Variants in MCC observed in about 807,000 individuals in gnomAD.
MCC encodes MCC regulator of Wnt signaling pathway.
A neutral mutation model predicts 116.2 loss-of-function variants in MCC; 90 were observed. That is an observed-to-expected ratio of 0.77 (90% CI 0.65 to 0.92). MCC has a LOEUF of 0.92. Among genes scored for constraint, MCC ranks in the 40% least tolerant of loss-of-function variants. The probability of loss-of-function intolerance (pLI) is 0.00; values close to 1 mark genes in which losing one functional copy is unlikely to be tolerated. For missense variants in MCC, 1,516 were observed against 1,312.2 expected, an observed-to-expected ratio of 1.16 and a Z score of -2.40; for synonymous variants, 578 against 510.5, an observed-to-expected ratio of 1.13 and a Z score of -1.78.
intron 1 of MCC, among the ~76,000 whole-genome samples, chr5:113,440,468 T>A (rs1771002301): frequency 6.6e-6 from 1 of 152,172 alleles, no homozygotes; most frequent in Non-Finnish European, 1.5e-5. Flanking sequence ...TCCAACCAAG[T>A]GTTTCCATGG....
At chr5:113,348,054 C>G (rs1488658141) in intron 2 of MCC, among the ~76,000 whole-genome samples, 1 of 151,962 alleles carries the variant, frequency 6.6e-6, no homozygotes, top group Non-Finnish European at 1.5e-5. Flanking sequence ...AACAATGAAG[C>G]ACCCAGATAT....
intron 3 of MCC, among the ~76,000 whole-genome samples, chr5:113,197,233 A>T (rs1762457023): frequency 6.6e-6 from 1 of 151,656 alleles, no homozygotes; most frequent in African/African-American, 2.4e-5. Context: ...AAAAGGGGGA[A>T]TTTTTTTTTC....
At chr5:113,412,031 C>T (rs1307801516) in intron 1 of MCC, among the ~76,000 whole-genome samples, 1 of 152,182 alleles carries the variant, frequency 6.6e-6, no homozygotes, top group Non-Finnish European at 1.5e-5. Flanking sequence ...AATACAAAAT[C>T]CTTTCCCCAT....
rs371646235 is a variant in MCC at position 113,297,097 on chromosome 5, A to C, written c.627+43422T>G. The stretch of plus-strand genomic sequence containing the variant: ...TACTTCAATACTTATACTTCACATA[A>C]GATTCAACTCCACCACAATCTGGCA... On this transcript the variant is annotated intron_variant, in intron 3 of 18. Coordinates refer to ENST00000408903, the MANE Select transcript of MCC (RefSeq NM_001085377.2). Among the ~76,000 whole-genome samples the C allele has an allele frequency of 3.7e-4, 56 of 152,382 alleles. 1 individual carries two copies. In the South Asian group the frequency reaches 8.1e-3, roughly 22 times the overall value.
At chr5:113,040,668 A>G (rs908701967) in intron 17 of MCC, among the ~76,000 whole-genome samples, 2 of 152,168 alleles carry the variant, frequency 1.3e-5, no homozygotes, top group Non-Finnish European at 2.9e-5. Flanking sequence ...TGTATATTGT[A>G]TCCCCTCATG....
chr5:113,174,361 C>T (rs17135387), intron 3 of MCC, among the ~76,000 whole-genome samples: 20,498 of 152,070 alleles, frequency 0.13, 1,862 homozygotes, highest in African/African-American at 0.25. Flanking sequence ...TATGGATCAC[C>T]TGCACTGTTT....
intron 3 of MCC, among the ~76,000 whole-genome samples, chr5:113,262,693 G>C (rs28637239): frequency 0.055 from 8,347 of 152,084 alleles, 750 homozygotes; most frequent in African/African-American, 0.19. Context: ...CACAGGTTTG[G>C]GACTAAACAA....
At chr5:113,471,804 C>G (rs1354649606) in intron 1 of MCC, among the ~76,000 whole-genome samples, 2 of 149,128 alleles carry the variant, frequency 1.3e-5, no homozygotes, top group African/African-American at 4.9e-5. Context: ...GTGGGCTCCA[C>G]CCAGTTCGAG....
intron 16 of MCC, among the ~76,000 whole-genome samples, chr5:113,046,883 A>G (rs1175438986): frequency 6.6e-6 from 1 of 151,958 alleles, no homozygotes; most frequent in Admixed American, 6.6e-5. Flanking sequence ...TGACTTCTCT[A>G]AAGCCCAAAC....
chr5:113,214,393 G>C (rs192669001), intron 3 of MCC, among the ~76,000 whole-genome samples: 4,974 of 152,284 alleles, frequency 0.033, 115 homozygotes, highest in Non-Finnish European at 0.039. Flanking sequence ...GAGTTGCCTT[G>C]CGTGTTCATT....
At chr5:113,447,366 C>T (rs1202401046) in intron 1 of MCC, among the ~76,000 whole-genome samples, 1 of 151,992 alleles carries the variant, frequency 6.6e-6, no homozygotes, top group Non-Finnish European at 1.5e-5. Flanking sequence ...TTTACTTTTT[C>T]CTTTATAAAA....
At chr5:113,166,156 C>T (rs994981602) in intron 3 of MCC, among the ~76,000 whole-genome samples, 1 of 152,066 alleles carries the variant, frequency 6.6e-6, no homozygotes, top group African/African-American at 2.4e-5. Flanking sequence ...CCTAAAGCTG[C>T]CTTATTTTGT....
intron 1 of MCC, among the ~76,000 whole-genome samples, chr5:113,406,304 G>T (rs1769832279): frequency 6.6e-6 from 1 of 152,146 alleles, no homozygotes; most frequent in African/African-American, 2.4e-5. Context: ...GAAAGACATT[G>T]CTAGCTTAAG....
At chr5:113,280,875 G>T (rs1766020391) in intron 3 of MCC, among the ~76,000 whole-genome samples, 1 of 152,166 alleles carries the variant, frequency 6.6e-6, no homozygotes, top group Admixed American at 6.5e-5. Context: ...CCATGGAGAT[G>T]ACCCAGCCAT....
chr5:113,397,849 TA>T (rs1580330092), intron 1 of MCC, among the ~76,000 whole-genome samples: 1 of 152,224 alleles, frequency 6.6e-6, no homozygotes, highest in East Asian at 1.9e-4. Context: ...GGGACCTAAT[TA>T]AACAAAAGAG....
intron 2 of MCC, among the ~76,000 whole-genome samples, chr5:113,342,127 A>G (rs1171668024): frequency 6.6e-6 from 1 of 152,184 alleles, no homozygotes; most frequent in Non-Finnish European, 1.5e-5. Context: ...CACTTAGAAT[A>G]ATGGTCTCCA....
At chr5:113,065,106 C>T (rs903437983) in intron 13 of MCC, among the ~76,000 whole-genome samples, 2 of 152,294 alleles carry the variant, frequency 1.3e-5, no homozygotes, top group Non-Finnish European at 2.9e-5. Context: ...CTGTATGATA[C>T]TGTAACCGTG....
intron 3 of MCC, among the ~76,000 whole-genome samples, chr5:113,272,562 A>G (rs1215596413): frequency 1.3e-5 from 2 of 152,194 alleles, no homozygotes; most frequent in Non-Finnish European, 2.9e-5. Flanking sequence ...AAATATCATT[A>G]TTTCTTTCTC....
chr5:113,332,232 G>T (rs1476500907), intron 3 of MCC, among the ~76,000 whole-genome samples: 1 of 149,848 alleles, frequency 6.7e-6, no homozygotes, highest in Non-Finnish European at 1.5e-5. Flanking sequence ...CCAGGCTAGG[G>T]TGCAGGCATG....
Sources: gnomAD v4.1 joint callset for allele counts (sites outside exome capture counted in the v4.1 genomes callset) on GRCh38, gnomAD v4.1.1 for gene constraint, MANE v1.5 for transcripts, NCBI Gene and HGNC (gene_info 2026-07-23, HGNC 2026-07-21) for gene names.